ADPRS: variants seen among roughly 807,000 people sequenced by gnomAD.
The protein encoded by ADPRS is ADP-ribosylhydrolase ARH3.
ADPRS carries 25 observed loss-of-function variants against 32.1 expected under a neutral mutation model. That is an observed-to-expected ratio of 0.78 (90% confidence interval 0.57 to 1.09). ADPRS has a LOEUF of 1.09. Ranked by LOEUF, ADPRS falls within the 50% of genes least tolerant of loss-of-function variation. ADPRS has a pLI of 0.00. For missense variants in ADPRS, 482 were observed against 480.6 expected (o/e 1.00, Z -0.03); for synonymous variants, 225 against 201.0 (o/e 1.12, Z -1.01).
In ADPRS at chr1:36,088,943, G is replaced by T. The variant is rs1253066906; in HGVS notation, c.39G>T (p.Gly13=). Residue 13 remains glycine (G), a synonymous_variant, in exon 1 of 6, where the codon GGG becomes GGT. Coordinates refer to ENST00000373178, the MANE Select transcript of ADPRS (RefSeq NM_017825.3). ...CGATGGCGGCAGCGGCAGGTGGAGG[G>T]GCTGGCGCGGCCCGCTCCCTCTCGC... ...AAAMAAAAGG[G]AGAARSLSRF... is the part of the protein sequence containing the mutation. 1.3e-6 allele frequency: 2 copies of T among 1,520,050 alleles called. No individual in the cohort carries two copies. The highest frequency in any genetic ancestry group is 2.6e-5 in the East Asian group (1 of 38,708). 94.2% of individuals were successfully genotyped at this position (1,520,050 alleles called of 1,614,324 possible).
At chr1:36,090,944 G>A (rs1485114788) in intron 1 of ADPRS, among the ~76,000 whole-genome samples, 1 of 152,182 alleles carries the variant, frequency 6.6e-6, no homozygotes, top group African/African-American at 2.4e-5. Flanking sequence ...GCCAAGGCAG[G>A]AGGATTGCTT....
Position 36,091,639 on chromosome 1 carries a change from A to C in ADPRS, c.330A>C (p.Lys110Asn), listed in dbSNP as rs372904964. 10 of 1,605,742 alleles carry C rather than the reference A, an allele frequency of 6.2e-6. No individual in the cohort carries two copies. Among genetic ancestry groups the C allele is most frequent in the Non-Finnish European group, 8.5e-6 (10 of 1,175,702 alleles). ...CTAGATTTGCTCAGGAGTACAAGAA[A>C]GACCCTGACAGGGGCTATGGTGCTG... ...MAHRFAQEYK[K>N]DPDRGYGAGV... The change falls in exon 3 of 6, where the codon AAA becomes AAC. Residue 110 changes from lysine (K) to asparagine (N), a missense_variant. Physicochemically the swap from Lys to Asn is moderately conservative, Grantham distance 94. Coordinates refer to ENST00000373178, the MANE Select transcript of ADPRS (RefSeq NM_017825.3).
At position 36,093,544 on chromosome 1, in the gene ADPRS, A is replaced by G. The variant is rs1643515622; in HGVS notation, c.*158A>G. 3 of 972,894 alleles carry G rather than the reference A, an allele frequency of 3.1e-6. No individual in the cohort carries two copies. Among genetic ancestry groups the G allele is most frequent in the Non-Finnish European group, 4.4e-6 (3 of 674,266 alleles). The allele number at this position is 972,894 out of a possible 1,614,324, so 60.3% of individuals were successfully genotyped here. On this transcript the variant is annotated 3_prime_UTR_variant, in exon 6 of 6. Coordinates refer to ENST00000373178, the MANE Select transcript of ADPRS (RefSeq NM_017825.3). ...GGCTGGGGTCTCTGCAGGGGAGGTC[A>G]CTGGAACAGCGAGCAAGGGACTGGT...
At chr1:36,089,168 G>C in intron 1 of ADPRS, 53 bp downstream of exon 1, 1 of 1,376,752 alleles carries the variant, frequency 7.3e-7, no homozygotes, top group South Asian at 1.7e-5. Context: ...GGCCGAAGGG[G>C]CGCGGAGCCT....
Position 36,089,015 on chromosome 1 carries a change from C to T in ADPRS, c.111C>T (p.Gly37=), listed in dbSNP as rs1469816814. The change falls in exon 1 of 6, where the codon GGC becomes GGT. Residue 37 remains glycine, a synonymous_variant. Transcript: ENST00000373178. ...LAGALLGDCV[G]SFYEAHDTVD... is the part of the protein sequence containing the mutation. ...GCGCGCTGCTCGGGGACTGCGTGGG[C>T]TCCTTCTACGAGGCCCACGACACCG... is the stretch of plus-strand genomic sequence containing the variant. The T allele has an allele frequency of 6.8e-7, 1 of 1,478,832 alleles. No homozygotes were observed. The highest frequency in any genetic ancestry group is 8.9e-7 in the Non-Finnish European group (1 of 1,119,018). 91.6% of individuals were successfully genotyped at this position (1,478,832 alleles called of 1,614,324 possible). A position where few individuals can be genotyped will look rare whatever the true frequency, so the allele number is the denominator to read the frequency against.
intron 2 of ADPRS, 53 bp from the exon 3 acceptor site, chr1:36,091,565 A>C (rs1643484026): frequency 3.3e-6 from 5 of 1,501,960 alleles, no homozygotes; most frequent in South Asian, 2.6e-5. Flanking sequence ...TTCTCTCCCA[A>C]CCCTTAGAGG....
At position 36,092,370 on chromosome 1, in the gene ADPRS, G is replaced by A. The variant is rs114293583; in HGVS notation, c.702-52G>A. On this transcript the variant is annotated intron_variant, in intron 4 of 5. Coordinates refer to ENST00000373178, the MANE Select transcript of ADPRS (RefSeq NM_017825.3). The stretch of plus-strand genomic sequence containing the variant: ...TCACATGCAGCCCTCTCCCCTGCCC[G>A]CGCCACCACCCTGCTAGCTCTGACC... 1.2e-3 allele frequency: 1,905 copies of A among 1,568,114 alleles called. 16 individuals are homozygous for A. In the African/African-American group the frequency reaches 0.023, roughly 19 times the overall value.
chr1:36,089,149 C>T (rs759072063), intron 1 of ADPRS, 34 bp downstream of exon 1: 2 of 1,384,044 alleles, frequency 1.4e-6, no homozygotes, highest in Non-Finnish European at 9.3e-7. Flanking sequence ...AGAGGCCGTG[C>T]GGGAGGGAGG....
rs368062351 is a variant in ADPRS at position 36,091,781 on chromosome 1, G to A, written c.472G>A (p.Ala158Thr). The change falls in exon 3 of 6, where the codon GCT becomes ACT. Residue 158 changes from alanine to threonine, a missense_variant. By Grantham distance (58) the Ala-to-Thr change is moderately conservative (BLOSUM62 0). Transcript: ENST00000373178. The part of the protein sequence containing the change: ...SYGNGGAMRV[A>T]GISLAYSSVQ... ...TGGCAATGGAGGTGCCATGCGGGTGGCTGGCATCTCCCTGGCCTATAGCAG... is the reference window on the plus strand; with the variant it reads ...TGGCAATGGAGGTGCCATGCGGGTGACTGGCATCTCCCTGGCCTATAGCAG... 2.4e-5 allele frequency: 39 copies of A among 1,611,804 alleles called. No individual in the cohort carries two copies. Among genetic ancestry groups the A allele is most frequent in the Non-Finnish European group, 3.3e-5 (39 of 1,178,604 alleles).
intron 2 of ADPRS, 51 bp from the exon 3 acceptor site, chr1:36,091,567 C>T (rs1318871724): frequency 1.2e-5 from 18 of 1,512,296 alleles, no homozygotes; most frequent in East Asian, 6.8e-5. Context: ...CTCTCCCAAC[C>T]CTTAGAGGCA....
intron 1 of ADPRS, 119 bp from the exon 2 acceptor site, chr1:36,091,125 C>T (rs1643474345): frequency 2.7e-6 from 2 of 730,230 alleles, no homozygotes; most frequent in African/African-American, 1.8e-5. Context: ...GCCATGATTG[C>T]ACCAGTGCAC....
chr1:36,092,125 G>C (rs778134868), intron 4 of ADPRS, 31 bp downstream of exon 4: 1 of 1,566,450 alleles, frequency 6.4e-7, no homozygotes. Flanking sequence ...GTGTGGTGTG[G>C]GTATGTGGGT....
chr1:36,092,147 C>G (rs1209830147), intron 4 of ADPRS, 53 bp downstream of exon 4: 1 of 1,540,302 alleles, frequency 6.5e-7, no homozygotes, highest in East Asian at 2.3e-5. Context: ...ATCCAGGGGG[C>G]CTCTGGCATT....
intron 1 of ADPRS, among the ~76,000 whole-genome samples, chr1:36,089,918 A>T (rs992654283): frequency 6.8e-6 from 1 of 147,052 alleles, no homozygotes; most frequent in Non-Finnish European, 1.5e-5. Context: ...CAAGCAGAGG[A>T]GGTGAATCTT....
intron 4 of ADPRS, 58 bp from the exon 5 acceptor site, chr1:36,092,364 C>T (rs1443181313): frequency 3.9e-6 from 6 of 1,546,490 alleles, no homozygotes; most frequent in Non-Finnish European, 5.3e-6. Context: ...GCCCTCTCCC[C>T]TGCCCGCGCC....
In ADPRS at chr1:36,089,076, CTG is replaced by C; in HGVS notation, c.173_174del (p.Leu58ArgfsTer10). ...LTSVLRHVQS[L>X]EPDPGTPGSE... ...GTCAGTCCTGCGTCATGTCCAGAGT[CTG>C]GAGCCGGACCCCGGCACGCCCGGGA... is the stretch of plus-strand genomic sequence containing the variant. On this transcript the variant is annotated frameshift_variant, in exon 1 of 6. Coordinates refer to ENST00000373178, the MANE Select transcript of ADPRS (RefSeq NM_017825.3). LOFTEE classifies it high-confidence loss of function. The C allele has an allele frequency of 6.9e-7, 1 of 1,440,512 alleles. No homozygotes were observed. The highest frequency in any genetic ancestry group is 9.1e-7 in the Non-Finnish European group (1 of 1,099,594). The allele number at this position is 1,440,512 out of a possible 1,614,324, so 89.2% of individuals were successfully genotyped here.
chr1:36,091,021 T>C (rs1386477441), intron 1 of ADPRS, among the ~76,000 whole-genome samples: 5 of 151,596 alleles, frequency 3.3e-5, no homozygotes, highest in African/African-American at 1.2e-4. Context: ...AAAATAAAAG[T>C]AGCTGGGTGT....
intron 1 of ADPRS, 74 bp downstream of exon 1, chr1:36,089,189 C>T: frequency 7.4e-7 from 1 of 1,360,090 alleles, no homozygotes; most frequent in Non-Finnish European, 9.4e-7. Flanking sequence ...CCGGGGGCGA[C>T]GGGTCGGGGG....
chr1:36,088,909 C>A lies in ADPRS; in HGVS notation c.5C>A (p.Ala2Asp). Residue 2 changes from alanine to aspartate, a missense_variant, in exon 1 of 6, where the codon GCC becomes GAC. Ala to Asp is a moderately radical substitution (Grantham distance 126, BLOSUM62 -2). Coordinates refer to ENST00000373178, the MANE Select transcript of ADPRS (RefSeq NM_017825.3). M[A>D]AAAMAAAAGG... is the part of the protein sequence containing the mutation. Reference sequence around the variant, plus strand: ...TGGCGAGCAGTCTGCGCGCGGATGGCCGCAGCGGCGATGGCGGCAGCGGCA... The same window carrying A: ...TGGCGAGCAGTCTGCGCGCGGATGGACGCAGCGGCGATGGCGGCAGCGGCA... 6.6e-7 allele frequency: 1 copy of A among 1,525,030 alleles called. No individual in the cohort carries two copies. Among genetic ancestry groups the A allele is most frequent in the South Asian group, 1.2e-5 (1 of 83,520 alleles). The allele number at this position is 1,525,030 out of a possible 1,614,324, so 94.5% of individuals were successfully genotyped here. A position where few individuals can be genotyped will look rare whatever the true frequency, so the allele number is the denominator to read the frequency against.
Sources: allele counts gnomAD v4.1 joint callset (sites outside exome capture counted in the v4.1 genomes callset), GRCh38; gene constraint gnomAD v4.1.1; transcripts MANE v1.5; gene names NCBI Gene and HGNC (gene_info 2026-07-23, HGNC 2026-07-21).